Variants in KCNK3 observed in about 807,000 individuals in gnomAD.
KCNK3 encodes the protein potassium channel subfamily K member 3.
In KCNK3, 9 loss-of-function variants were observed where a neutral mutation model predicts 27.3. The observed-to-expected ratio is 0.33, with a 90% confidence interval of 0.20 to 0.57. The LOEUF is 0.57. KCNK3 is among the 20% of genes least tolerant of loss of function. The pLI, the probability that KCNK3 is intolerant of heterozygous loss-of-function variation, is 0.87. For missense variants in KCNK3, 391 were observed against 577.7 expected, an observed-to-expected ratio of 0.68 and a Z score of 3.31; for synonymous variants, 278 against 273.8, an observed-to-expected ratio of 1.02 and a Z score of -0.15.
intron 1 of KCNK3, among the ~76,000 whole-genome samples, chr2:26,704,263 C>T (rs1670343246): frequency 6.6e-6 from 1 of 152,148 alleles, no homozygotes; most frequent in South Asian, 2.1e-4. Flanking sequence ...TGCAGGAGCA[C>T]CGGGACGGTG....
rs1051240021 is a variant in KCNK3 at position 26,721,044 on chromosome 2, C to T, written c.284-6623C>T. Among the ~76,000 whole-genome samples, 2 of 152,160 alleles carry T rather than the reference C, an allele frequency of 1.3e-5. No individual in the cohort carries two copies. The highest frequency in any genetic ancestry group is 6.5e-5 in the Admixed American group (1 of 15,272). Reference sequence around the variant, plus strand: ...GGAGCTATGAGTCACCCGAGGCCCTCCTGCCAAGGGCCACCTCCCGTCCCC... The same window carrying T: ...GGAGCTATGAGTCACCCGAGGCCCTTCTGCCAAGGGCCACCTCCCGTCCCC... On this transcript the variant is annotated intron_variant, in intron 1 of 1. Transcript: ENST00000302909. This position sits in a 1 kb window ranked among gnomAD's most constrained non-coding sequence, Gnocchi z 4.3.
intron 1 of KCNK3, among the ~76,000 whole-genome samples, chr2:26,711,075 T>C (rs563808249): frequency 6.6e-6 from 1 of 152,208 alleles, no homozygotes; most frequent in African/African-American, 2.4e-5. Flanking sequence ...ACTGACTGGC[T>C]CCAGGGGGGT....
intron 1 of KCNK3, among the ~76,000 whole-genome samples, chr2:26,716,160 G>GA (rs1003897947): frequency 2.6e-5 from 4 of 152,188 alleles, no homozygotes; most frequent in African/African-American, 9.6e-5. Context: ...AAGTGCAGCA[G>GA]AAAAAAACTG....
At chr2:26,700,223 C>G (rs1364527622) in intron 1 of KCNK3, among the ~76,000 whole-genome samples, 2 of 152,262 alleles carry the variant, frequency 1.3e-5, no homozygotes, top group African/African-American at 4.8e-5. Context: ...CCTGACCCCT[C>G]CGCCAGCCTC....
intron 1 of KCNK3, among the ~76,000 whole-genome samples, chr2:26,713,417 T>C (rs187499813): frequency 2.0e-5 from 3 of 152,006 alleles, no homozygotes; most frequent in Admixed American, 2.0e-4. Context: ...CCCCAGACTG[T>C]ATTGTGTGGA....
chr2:26,725,503 C>T (rs967689921), intron 1 of KCNK3, among the ~76,000 whole-genome samples: 11 of 152,280 alleles, frequency 7.2e-5, no homozygotes, highest in African/African-American at 2.6e-4. Context: ...CATGCCCTCC[C>T]CTCTCCACCA....
intron 1 of KCNK3, among the ~76,000 whole-genome samples, chr2:26,725,594 T>C (rs1663402314): frequency 6.6e-6 from 1 of 151,784 alleles, no homozygotes; most frequent in African/African-American, 2.4e-5. Flanking sequence ...TCGAGGTGAG[T>C]TGTGGTCTGG....
chr2:26,706,840 ACTGCTCCT>A (rs1301030451), intron 1 of KCNK3, among the ~76,000 whole-genome samples: 11 of 152,078 alleles, frequency 7.2e-5, no homozygotes, highest in African/African-American at 2.4e-4. Context: ...AGCCTCCTCC[ACTGCTCCT>A]CTGCTCCTCT....
rs1334950189 is a variant in KCNK3, at chr2:26,728,270, T to G, written c.887T>G (p.Phe296Cys). ...ACGGCGGCAGCGGGCGGCGGCGGCT[T>G]CCGCAACGTCTACGCGGAGGTGCTG... ...SSTAAAGGGG[F>C]RNVYAEVLHF... The change falls in exon 2 of 2, where the codon TTC becomes TGC. Residue 296 changes from phenylalanine to cysteine, a missense_variant. Physicochemically the swap from Phe to Cys is radical, Grantham distance 205 (BLOSUM62 -2). This residue lies in a region of KCNK3 where 192 missense variants were observed against 196.0 expected (regional missense o/e 0.98). Coordinates refer to ENST00000302909, the MANE Select transcript of KCNK3 (RefSeq NM_002246.3). The G allele has an allele frequency of 6.3e-7, 1 of 1,590,578 alleles. No homozygotes were observed. The highest frequency in any genetic ancestry group is 8.6e-7 in the Non-Finnish European group (1 of 1,168,728).
intron 1 of KCNK3, among the ~76,000 whole-genome samples, chr2:26,725,789 A>G (rs1663405692): frequency 1.3e-5 from 2 of 152,220 alleles, no homozygotes; most frequent in African/African-American, 4.8e-5. Flanking sequence ...AGCTGTCCCC[A>G]GAGCTCCTTG....
intron 1 of KCNK3, among the ~76,000 whole-genome samples, chr2:26,705,308 AG>A (rs1268377643): frequency 1.3e-5 from 2 of 152,110 alleles, no homozygotes; most frequent in Admixed American, 1.3e-4. Context: ...ACTGAGGCTC[AG>A]GGGGGTCAGG....
rs1302816944 is a variant in KCNK3, at chr2:26,693,740, C to T, written c.283+582C>T. 6.6e-6 allele frequency among the ~76,000 whole-genome samples: 1 copy of T among 152,160 alleles called. No individual in the cohort carries two copies. On this transcript the variant is annotated intron_variant, in intron 1 of 1. Coordinates refer to ENST00000302909, the MANE Select transcript of KCNK3 (RefSeq NM_002246.3). The surrounding 1 kb of genome is among the most constrained non-coding windows in gnomAD (Gnocchi z 5.5). ...GTCAGTGCCTGTGATTTTCTCAGAG[C>T]GGCAGAATTGGTGCGGGAAGCCAGA...
rs76605455 is a variant in KCNK3, at chr2:26,725,522, C to T, written c.284-2145C>T. 2.9e-4 allele frequency among the ~76,000 whole-genome samples: 44 copies of T among 152,250 alleles called. 1 individual carries two copies. The East Asian group carries it at 8.3e-3, about 29-fold the overall frequency. ...CCCTCCCCTCTCCACCAAGTAGTGC[C>T]GGCCTGGAGGACAGGGAAGGACGGG... On this transcript the variant is annotated intron_variant, in intron 1 of 1. Transcript: ENST00000302909.
Position 26,732,322 on chromosome 2 carries a change from T to C in KCNK3, c.*3754T>C, listed in dbSNP as rs138678785. On this transcript the variant is annotated 3_prime_UTR_variant, in exon 2 of 2. Transcript: ENST00000302909. ...ATGATTCTAATACGTTCTGTTCTAT[T>C]GCATGTTATAAAATGCTGGTCACGA... The C allele has an allele frequency of 1.5e-3, 234 of 152,378 alleles. 1 individual carries two copies. The highest frequency in any genetic ancestry group is 5.4e-3 in the African/African-American group (224 of 41,586). 9.4% of individuals were successfully genotyped at this position (152,378 alleles called of 1,614,324 possible).
intron 1 of KCNK3, among the ~76,000 whole-genome samples, chr2:26,710,059 C>A (rs1663076061): frequency 6.6e-6 from 1 of 152,254 alleles, no homozygotes; most frequent in Non-Finnish European, 1.5e-5. Flanking sequence ...GCACGTCTGT[C>A]CTCTGCTGTG....
chr2:26,712,712 C>T (rs1296604831), intron 1 of KCNK3, among the ~76,000 whole-genome samples: 1 of 151,492 alleles, frequency 6.6e-6, no homozygotes, highest in Non-Finnish European at 1.5e-5. Context: ...AGTGCGCACA[C>T]ACATGTGAAT....
chr2:26,709,855 C>T (rs1029608795), intron 1 of KCNK3, among the ~76,000 whole-genome samples: 1 of 152,188 alleles, frequency 6.6e-6, no homozygotes. Context: ...GCCTGTCTGA[C>T]TCCAAAGCCC....
At chr2:26,695,981 C>G (rs1036463313) in intron 1 of KCNK3, among the ~76,000 whole-genome samples, 3 of 152,186 alleles carry the variant, frequency 2.0e-5, no homozygotes, top group Non-Finnish European at 4.4e-5. Flanking sequence ...AGGGGCTCTG[C>G]TCTAAGAAAA....
chr2:26,728,854 A>G lies in KCNK3; in HGVS notation c.*286A>G. The G allele has an allele frequency of 2.8e-6, 1 of 353,528 alleles. No homozygotes were observed. Among genetic ancestry groups the G allele is most frequent in the Non-Finnish European group, 5.1e-6 (1 of 197,550 alleles). The allele number at this position is 353,528 out of a possible 1,614,324, so 21.9% of individuals were successfully genotyped here. ...AAGCTGGGAGCCTCCCTTCCCTTTGAAAATCTAAGAAGCTCCCAGTCCTCA... is the reference window on the plus strand; with the variant it reads ...AAGCTGGGAGCCTCCCTTCCCTTTGGAAATCTAAGAAGCTCCCAGTCCTCA... On this transcript the variant is annotated 3_prime_UTR_variant, in exon 2 of 2. Coordinates refer to ENST00000302909, the MANE Select transcript of KCNK3 (RefSeq NM_002246.3).
Sources: gnomAD v4.1 joint callset for allele counts (sites outside exome capture counted in the v4.1 genomes callset) on GRCh38, gnomAD v4.1.1 for gene constraint, gnomAD v4.1.1 regional missense constraint, Gnocchi (gnomAD v3.1) non-coding constraint, MANE v1.5 for transcripts, NCBI Gene and HGNC (gene_info 2026-07-23, HGNC 2026-07-21) for gene names.